The following APBB1IP variants were observed in gnomAD, a reference collection of about 807,000 sequenced individuals.
APBB1IP encodes amyloid beta A4 precursor protein-binding family B member 1-interacting protein.
APBB1IP carries 27 observed loss-of-function variants against 64.9 expected under a neutral mutation model. The observed-to-expected ratio is 0.42, with a 90% CI of 0.31 to 0.57. The LOEUF is 0.57. Among genes scored for constraint, APBB1IP ranks in the 20% least tolerant of loss-of-function variants. The pLI, the probability that APBB1IP is intolerant of heterozygous loss-of-function variation, is 0.20. For synonymous variants in APBB1IP, 392 were observed against 331.0 expected, an observed-to-expected ratio of 1.18 and a Z score of -2.00; for missense variants, 812 against 845.5, an observed-to-expected ratio of 0.96 and a Z score of 0.49.
At chr10:26,552,997 G>T (rs959955821) in intron 11 of APBB1IP, among the ~76,000 whole-genome samples, 1 of 151,002 alleles carries the variant, frequency 6.6e-6, no homozygotes, top group African/African-American at 2.4e-5. Flanking sequence ...TCCTGAGAAA[G>T]TGATGATGCC....
chr10:26,483,917 A>T (rs1487104201), intron 2 of APBB1IP, among the ~76,000 whole-genome samples: 4 of 152,042 alleles, frequency 2.6e-5, no homozygotes, highest in Admixed American at 2.6e-4. Context: ...CTTGCTCACA[A>T]ATATTCTGTT....
At chr10:26,518,662 T>C (rs1199409163) in intron 8 of APBB1IP, among the ~76,000 whole-genome samples, 1 of 152,370 alleles carries the variant, frequency 6.6e-6, no homozygotes, top group African/African-American at 2.4e-5. Context: ...ATTTTCCTGA[T>C]GCCAGTGATT....
At chr10:26,498,857 AGACAT>A (rs1165822244) in intron 4 of APBB1IP, among the ~76,000 whole-genome samples, 2 of 152,244 alleles carry the variant, frequency 1.3e-5, no homozygotes, top group African/African-American at 4.8e-5. Flanking sequence ...ATACAGGACA[AGACAT>A]TTAAAAACTA....
chr10:26,491,520 A>G (rs1835954642), intron 2 of APBB1IP, among the ~76,000 whole-genome samples: 1 of 152,192 alleles, frequency 6.6e-6, no homozygotes, highest in Admixed American at 6.5e-5. Context: ...TTTGTCGCAA[A>G]CTTTTCCTCT....
intron 11 of APBB1IP, among the ~76,000 whole-genome samples, chr10:26,558,144 C>A (rs1212596740): frequency 6.7e-6 from 1 of 149,374 alleles, no homozygotes; most frequent in Non-Finnish European, 1.5e-5. Context: ...CACACAAACA[C>A]ACACACACAC....
rs544137216 is a variant in APBB1IP at position 26,464,657 on chromosome 10, C to A, written c.-1+25804C>A. Among the ~76,000 whole-genome samples the A allele has an allele frequency of 2.6e-5, 4 of 152,332 alleles. No individual in the cohort carries two copies. In the East Asian group the frequency reaches 7.7e-4, roughly 29 times the overall value. On this transcript the variant is annotated intron_variant, in intron 2 of 14. Coordinates refer to ENST00000376236, the MANE Select transcript of APBB1IP (RefSeq NM_019043.4). ...CTCCTGGCCTCAAGAGATCCTCCCA[C>A]CTTAGGTTCCCAAAGTTCTGGGATT...
intron 6 of APBB1IP, among the ~76,000 whole-genome samples, chr10:26,508,146 G>A (rs1036688859): frequency 3.9e-5 from 6 of 152,114 alleles, no homozygotes; most frequent in African/African-American, 4.8e-5. Flanking sequence ...AAGAATAACC[G>A]CAATGTACTC....
intron 14 of APBB1IP, among the ~76,000 whole-genome samples, chr10:26,564,816 TAAAAATAAAAA>T (rs1837019521): frequency 6.6e-6 from 1 of 151,192 alleles, no homozygotes; most frequent in African/African-American, 2.4e-5. Context: ...AAAATAAAAA[TAAAAATAAAAA>T]TAAAATAAAA....
At chr10:26,524,071 AAGG>A (rs1467892748) in intron 8 of APBB1IP, among the ~76,000 whole-genome samples, 1 of 152,112 alleles carries the variant, frequency 6.6e-6, no homozygotes, top group Admixed American at 6.5e-5. Flanking sequence ...AGGAGATTAG[AAGG>A]ACCTTCTAAG....
chr10:26,480,620 CTTTTTT>C (rs535190399), intron 2 of APBB1IP, among the ~76,000 whole-genome samples: 6 of 83,938 alleles, frequency 7.1e-5, no homozygotes, highest in Admixed American at 1.3e-4. Flanking sequence ...TGAGCTGCTT[CTTTTTT>C]TTTTTTTTTT....
rs142760136 is a variant in APBB1IP, at chr10:26,553,043, A to C, written c.1156-7062A>C. Among the ~76,000 whole-genome samples the C allele has an allele frequency of 6.1e-3, 929 of 151,838 alleles. 17 individuals are homozygous for C. Among genetic ancestry groups the C allele is most frequent in the South Asian group, 0.055 (265 of 4,796 alleles). On this transcript the variant is annotated intron_variant, in intron 11 of 14. Coordinates refer to ENST00000376236, the MANE Select transcript of APBB1IP (RefSeq NM_019043.4). ...TCAACTTTTTTTTTCTTTTTTTGAGATGGAGTCTCGCTCTGTCGCCCAGGC... is the reference window on the plus strand; with the variant it reads ...TCAACTTTTTTTTTCTTTTTTTGAGCTGGAGTCTCGCTCTGTCGCCCAGGC...
chr10:26,537,039 G>A (rs1021386286), intron 10 of APBB1IP, among the ~76,000 whole-genome samples: 7 of 151,848 alleles, frequency 4.6e-5, no homozygotes, highest in African/African-American at 1.7e-4. Context: ...ACTTTTACTT[G>A]GTGATTCAGG....
At chr10:26,481,331 C>T (rs1168474400) in intron 2 of APBB1IP, among the ~76,000 whole-genome samples, 3 of 151,972 alleles carry the variant, frequency 2.0e-5, no homozygotes, top group African/African-American at 7.2e-5. Flanking sequence ...GCAGAGTGTC[C>T]CCACCTTGTC....
chr10:26,536,304 C>T (rs947381536), intron 10 of APBB1IP, 87 bp downstream of exon 10: 1 of 1,380,292 alleles, frequency 7.2e-7, no homozygotes, highest in Non-Finnish European at 9.7e-7. Context: ...AAGTTAAATA[C>T]ATTCTCTGTT....
chr10:26,486,848 T>TTAATTTCTA (rs1835898665), intron 2 of APBB1IP, among the ~76,000 whole-genome samples: 1 of 152,128 alleles, frequency 6.6e-6, no homozygotes, highest in Non-Finnish European at 1.5e-5. Context: ...AGCCTAGAAA[T>TTAATTTCTA]ATTAAGCATT....
chr10:26,524,647 A>G (rs749450578), intron 8 of APBB1IP, among the ~76,000 whole-genome samples: 5 of 152,196 alleles, frequency 3.3e-5, no homozygotes, highest in Non-Finnish European at 7.3e-5. Context: ...GCAGAGACTT[A>G]CATGTCATAG....
At chr10:26,457,350 G>A (rs148199395) in intron 2 of APBB1IP, among the ~76,000 whole-genome samples, 3 of 152,314 alleles carry the variant, frequency 2.0e-5, no homozygotes, top group African/African-American at 7.2e-5. Flanking sequence ...TCTGCTGCCA[G>A]GCTGGTCTTG....
intron 10 of APBB1IP, among the ~76,000 whole-genome samples, chr10:26,540,561 A>G (rs1319734445): frequency 1.3e-5 from 2 of 152,172 alleles, no homozygotes; most frequent in African/African-American, 4.8e-5. Flanking sequence ...TTAAAAATGT[A>G]AACTTTGAAC....
At chr10:26,515,992 T>TGGCC (rs1406931224) in intron 8 of APBB1IP, among the ~76,000 whole-genome samples, 2 of 152,164 alleles carry the variant, frequency 1.3e-5, no homozygotes, top group East Asian at 3.9e-4. Flanking sequence ...TCTAAAGAAG[T>TGGCC]GGCCGAGGCA....
Sources: allele counts gnomAD v4.1 joint callset (sites outside exome capture counted in the v4.1 genomes callset), GRCh38; gene constraint gnomAD v4.1.1; transcripts MANE v1.5; gene names NCBI Gene and HGNC (gene_info 2026-07-23, HGNC 2026-07-21).